Variants in ADGRL2 observed in about 807,000 individuals in gnomAD.
The protein encoded by ADGRL2 is calcium-independent alpha-latrotoxin receptor 2.
In ADGRL2, 44 loss-of-function variants were observed where a neutral mutation model predicts 157.4. That is an observed-to-expected ratio of 0.28 (90% CI 0.22 to 0.36). The LOEUF (loss-of-function observed/expected upper bound fraction) is 0.36, where lower values mean the gene tolerates loss of function less well. Ranked by LOEUF, ADGRL2 falls within the 10% of genes least tolerant of loss-of-function variation. The probability of loss-of-function intolerance (pLI) is 1.00; values close to 1 mark genes in which losing one functional copy is unlikely to be tolerated. For missense variants in ADGRL2, 1,510 were observed against 1,768.9 expected (o/e 0.85, Z 2.63); for synonymous variants, 585 against 624.7 (o/e 0.94, Z 0.95).
intron 1 of ADGRL2, among the ~76,000 whole-genome samples, chr1:81,425,416 A>C (rs1048698352): frequency 1.1e-4 from 16 of 152,028 alleles, no homozygotes; most frequent in African/African-American, 3.9e-4. Flanking sequence ...CAATTAAAAA[A>C]AAAATCTGTG....
intron 6 of ADGRL2, among the ~76,000 whole-genome samples, chr1:81,948,211 A>G (rs986302930): frequency 1.9e-4 from 27 of 143,678 alleles, no homozygotes; most frequent in Non-Finnish European, 3.4e-4. Context: ...GCAAGACTCC[A>G]TCTCAAAAAA....
At chr1:81,441,197 A>G (rs1403926218) in intron 1 of ADGRL2, among the ~76,000 whole-genome samples, 1 of 152,200 alleles carries the variant, frequency 6.6e-6, no homozygotes, top group Non-Finnish European at 1.5e-5. Flanking sequence ...TATAGTATGA[A>G]CATGGCATAT....
chr1:81,374,380 T>C (rs56246322), intron 1 of ADGRL2, among the ~76,000 whole-genome samples: 1 of 152,126 alleles, frequency 6.6e-6, no homozygotes, highest in African/African-American at 2.4e-5. Flanking sequence ...GAGACCAGCC[T>C]GGCCAACATG....
intron 23 of ADGRL2, among the ~76,000 whole-genome samples, chr1:81,988,871 T>G (rs1663953440): frequency 6.6e-6 from 1 of 152,060 alleles, no homozygotes; most frequent in Non-Finnish European, 1.5e-5. Context: ...AGAATTAAAT[T>G]TTTTCCTAAA....
At chr1:81,795,298 T>C (rs1231034777) in intron 2 of ADGRL2, among the ~76,000 whole-genome samples, 1 of 152,104 alleles carries the variant, frequency 6.6e-6, no homozygotes, top group East Asian at 1.9e-4. Flanking sequence ...GAAGATTGCT[T>C]GAGCCCAGAA....
At chr1:81,721,580 C>A (rs79204529) in intron 1 of ADGRL2, 45,694 of 518,102 alleles carry the variant, frequency 0.088, 2,194 homozygotes, top group Non-Finnish European at 0.096. Context: ...ACATGGCAAA[C>A]CCCAGTTTCT....
rs1414779028 is a variant in ADGRL2, at chr1:81,966,396, C to T, written c.2144-8C>T. The T allele has an allele frequency of 6.2e-7, 1 of 1,612,608 alleles. No homozygotes were observed. The highest frequency in any genetic ancestry group is 1.7e-5 in the Admixed American group (1 of 59,906). On this transcript the variant is annotated splice_region_variant and splice_polypyrimidine_tract_variant and intron_variant, in intron 12 of 23. Coordinates refer to ENST00000686636, the MANE Select transcript of ADGRL2 (RefSeq NM_001366006.2). Reference sequence around the variant, plus strand: ...TTGTACATCATGTGACTATTTTTACCTTCCTAGGGCTTGCAAAGTTGGTGT... The same window carrying T: ...TTGTACATCATGTGACTATTTTTACTTTCCTAGGGCTTGCAAAGTTGGTGT...
chr1:81,824,166 C>T (rs568261780), intron 1 of ADGRL2, among the ~76,000 whole-genome samples: 1 of 152,134 alleles, frequency 6.6e-6, no homozygotes, highest in African/African-American at 2.4e-5. Context: ...GCAGTTTAAG[C>T]CTCAGTGCCT....
At chr1:81,577,266 C>T (rs1557476713) in intron 2 of ADGRL2, among the ~76,000 whole-genome samples, 1 of 152,266 alleles carries the variant, frequency 6.6e-6, no homozygotes, top group South Asian at 2.1e-4. Context: ...TTAGGCTGGG[C>T]TCTAGTTCTC....
chr1:81,919,574 C>G (rs1169709537), intron 3 of ADGRL2, among the ~76,000 whole-genome samples: 1 of 150,548 alleles, frequency 6.6e-6, no homozygotes, highest in Non-Finnish European at 1.5e-5. Flanking sequence ...TTAAGTTTTA[C>G]TCTTGGTACT....
chr1:81,532,972 C>CTATCTATCTATCTATCATCT (rs200154872), intron 2 of ADGRL2, among the ~76,000 whole-genome samples: 36 of 137,598 alleles, frequency 2.6e-4, no homozygotes, highest in Admixed American at 1.5e-3. Flanking sequence ...ATCTATCTAT[C>CTATCTATCTATCTATCATCT]ATCTATCTAT....
At chr1:81,343,143 CA>C (rs1662210674) in intron 1 of ADGRL2, among the ~76,000 whole-genome samples, 1 of 131,694 alleles carries the variant, frequency 7.6e-6, no homozygotes, top group Non-Finnish European at 1.5e-5. Context: ...GGCTGGAGTG[CA>C]GTGGTCCAGT....
At chr1:81,883,934 T>A (rs185946695) in intron 2 of ADGRL2, among the ~76,000 whole-genome samples, 166 of 152,266 alleles carry the variant, frequency 1.1e-3, no homozygotes, top group Middle Eastern at 0.01. Flanking sequence ...CAGCTTTTTG[T>A]ATACTCAAGT....
At chr1:81,937,515 G>T (rs1203629723) in intron 4 of ADGRL2, among the ~76,000 whole-genome samples, 1 of 151,792 alleles carries the variant, frequency 6.6e-6, no homozygotes, top group Non-Finnish European at 1.5e-5. Flanking sequence ...TCTAATCTCA[G>T]AATTCGTACT....
At chr1:81,706,765 G>A (rs1199112328) in intron 1 of ADGRL2, among the ~76,000 whole-genome samples, 1 of 152,134 alleles carries the variant, frequency 6.6e-6, no homozygotes, top group Non-Finnish European at 1.5e-5. Context: ...CTGGAAGCAA[G>A]GCCTGATCAG....
chr1:81,865,024 C>T (rs183172874), intron 2 of ADGRL2, among the ~76,000 whole-genome samples: 52 of 152,084 alleles, frequency 3.4e-4, no homozygotes, highest in East Asian at 2.5e-3. Context: ...AAAAACCTTA[C>T]GGCTTCCAGT....
chr1:81,588,622 C>T (rs2081072613), intron 3 of ADGRL2, among the ~76,000 whole-genome samples: 1 of 152,106 alleles, frequency 6.6e-6, no homozygotes, highest in Non-Finnish European at 1.5e-5. Flanking sequence ...ATTCTCATAA[C>T]TTAGGAGTCT....
chr1:81,883,632 C>G (rs2094045180), intron 2 of ADGRL2, among the ~76,000 whole-genome samples: 1 of 152,154 alleles, frequency 6.6e-6, no homozygotes, highest in South Asian at 2.1e-4. Flanking sequence ...TGGGTTCTCT[C>G]CTGATACTGC....
Position 81,828,934 on chromosome 1 carries a change from G to A in ADGRL2, c.-100-7951G>A, listed in dbSNP as rs531611501. Among the ~76,000 whole-genome samples, 32 of 149,924 alleles carry A rather than the reference G, an allele frequency of 2.1e-4. No individual in the cohort carries two copies. The South Asian group carries it at 3.8e-3, about 18-fold the overall frequency. ...TTTTTTTTTTCATTTTTTTTGGGAC[G>A]AAGTCTTGCTCTTGTTGCCTGGGCT... On this transcript the variant is annotated intron_variant, in intron 1 of 23. Transcript: ENST00000686636.
Sources: allele counts gnomAD v4.1 joint callset (sites outside exome capture counted in the v4.1 genomes callset), GRCh38; gene constraint gnomAD v4.1.1; transcripts MANE v1.5; gene names NCBI Gene and HGNC (gene_info 2026-07-23, HGNC 2026-07-21).